VEZT: variants seen among roughly 807,000 people sequenced by gnomAD.
VEZT encodes vezatin, adherens junctions transmembrane protein.
VEZT carries 39 observed loss-of-function variants against 79.9 expected under a neutral mutation model. That is an observed-to-expected ratio of 0.49 (90% confidence interval 0.38 to 0.64). VEZT has a LOEUF of 0.64. Ranked by LOEUF, VEZT falls within the 30% of genes least tolerant of loss-of-function variation. The pLI, the probability that VEZT is intolerant of heterozygous loss-of-function variation, is 0.00. For missense variants in VEZT, 837 were observed against 893.1 expected (o/e 0.94, Z 0.80); for synonymous variants, 325 against 327.6 (o/e 0.99, Z 0.09).
At chr12:95,224,065 G>A (rs1024189071) in intron 1 of VEZT, 8 of 420,052 alleles carry the variant, frequency 1.9e-5, no homozygotes, top group Non-Finnish European at 3.4e-5. Flanking sequence ...ATAGTTGAGG[G>A]ATTGATGTTA....
rs1435439572 is a variant in VEZT, at chr12:95,270,111, T to A, written c.771T>A (p.Gly257=). The change falls in exon 6 of 12, where the codon GGT becomes GGA. Residue 257 remains glycine (G), a synonymous_variant. Transcript: ENST00000436874. ...AGQHPSQHLI[G]LRKAVYRTLR... Reference sequence around the variant, plus strand: ...AGCATCCAAGTCAGCATCTCATCGGTCTTCGGAAAGCTGTCTACCGAACTC... The same window carrying A: ...AGCATCCAAGTCAGCATCTCATCGGACTTCGGAAAGCTGTCTACCGAACTC... 3 of 1,612,094 alleles carry A rather than the reference T, an allele frequency of 1.9e-6. No individual in the cohort carries two copies. The Admixed American group carries it at 5.0e-5, about 27-fold the overall frequency.
At chr12:95,284,376 G>A (rs1353623081) in intron 8 of VEZT, among the ~76,000 whole-genome samples, 1 of 151,848 alleles carries the variant, frequency 6.6e-6, no homozygotes, top group East Asian at 1.9e-4. Flanking sequence ...CACTCTCAGT[G>A]CCTCATGTGG....
At chr12:95,283,939 G>A (rs1257714491) in intron 8 of VEZT, among the ~76,000 whole-genome samples, 3 of 152,176 alleles carry the variant, frequency 2.0e-5, no homozygotes, top group Non-Finnish European at 4.4e-5. Flanking sequence ...AGATTTCAGT[G>A]GACAGGTTGT....
Position 95,287,547 on chromosome 12 carries a change from C to G in VEZT, c.1329-117C>G, listed in dbSNP as rs962347527. 11 of 952,552 alleles carry G rather than the reference C, an allele frequency of 1.2e-5. No individual in the cohort carries two copies. The African/African-American group carries it at 1.8e-4, about 16-fold the overall frequency. 59.0% of individuals were successfully genotyped at this position (952,552 alleles called of 1,614,324 possible). On this transcript the variant is annotated intron_variant, in intron 8 of 11. Coordinates refer to ENST00000436874, the MANE Select transcript of VEZT (RefSeq NM_017599.4). The stretch of plus-strand genomic sequence containing the variant: ...TGAACTCCTGAGCTCAAGCCATTCA[C>G]CTGCCTTGGCCTCCCAAAGTGCTGA...
intron 1 of VEZT, among the ~76,000 whole-genome samples, chr12:95,233,513 C>T (rs182727468): frequency 6.6e-6 from 1 of 152,318 alleles, no homozygotes; most frequent in Admixed American, 6.5e-5. Flanking sequence ...GATTCTCCCA[C>T]CTCAGCCTCC....
chr12:95,291,032 A>G (rs1292064346), intron 9 of VEZT, among the ~76,000 whole-genome samples: 3 of 152,138 alleles, frequency 2.0e-5, no homozygotes, highest in South Asian at 2.1e-4. Flanking sequence ...TGGGAGCCCA[A>G]GGAGGGAGGA....
In VEZT at chr12:95,230,009, G is replaced by T. The variant is rs575223429; in HGVS notation, c.36+12123G>T. ...AATCCCAGCTACTCGGGAGGCTGACGTAGGAGAATTGCTTGAACCCAGGAG... is the reference window on the plus strand; with the variant it reads ...AATCCCAGCTACTCGGGAGGCTGACTTAGGAGAATTGCTTGAACCCAGGAG... On this transcript the variant is annotated intron_variant, in intron 1 of 11. Coordinates refer to ENST00000436874, the MANE Select transcript of VEZT (RefSeq NM_017599.4). Among the ~76,000 whole-genome samples the T allele has an allele frequency of 2.0e-5, 3 of 150,380 alleles. No individual in the cohort carries two copies. The South Asian group carries it at 6.5e-4, about 32-fold the overall frequency.
At position 95,258,291 on chromosome 12, in the gene VEZT, T is replaced by TA. The variant is rs1232195701; in HGVS notation, c.258+1053dup. The TA allele has an allele frequency of 6.6e-6, 3 of 455,700 alleles. No homozygotes were observed. The East Asian group carries it at 2.1e-4, about 32-fold the overall frequency. The allele number at this position is 455,700 out of a possible 1,614,324, so 28.2% of individuals were successfully genotyped here. On this transcript the variant is annotated intron_variant, in intron 3 of 11. Coordinates refer to ENST00000436874, the MANE Select transcript of VEZT (RefSeq NM_017599.4). The stretch of plus-strand genomic sequence containing the variant: ...GTGATACTAGGACTGTGGTAAGGTA[T>TA]ATGGATCCATATACATTTTTCTGTG...
intron 1 of VEZT, among the ~76,000 whole-genome samples, chr12:95,224,574 AC>A: frequency 6.6e-6 from 1 of 151,952 alleles, no homozygotes; most frequent in South Asian, 2.1e-4. Context: ...GAGACCTGTA[AC>A]CCCCTCTACC....
intron 9 of VEZT, among the ~76,000 whole-genome samples, chr12:95,288,955 C>G (rs757068984): frequency 6.6e-5 from 10 of 151,866 alleles, no homozygotes; most frequent in Non-Finnish European, 1.3e-4. Flanking sequence ...ATGGGAGTAG[C>G]TGTTACCCAG....
rs74506185 is a variant in VEZT at position 95,286,723 on chromosome 12, G to A, written c.1329-941G>A. 8.6e-3 allele frequency: 3,093 copies of A among 360,362 alleles called. 86 individuals carry two copies. Among genetic ancestry groups the A allele is most frequent in the African/African-American group, 0.061 (2,827 of 46,544 alleles). The allele number at this position is 360,362 out of a possible 1,614,324, so 22.3% of individuals were successfully genotyped here. On this transcript the variant is annotated intron_variant, in intron 8 of 11. Transcript: ENST00000436874. ...AATATTCCACTTTCCCATTCCCTGC[G>A]TGTCTATCTAGTACATTTTCCACCA...
At chr12:95,263,853 T>C (rs1048041738) in intron 4 of VEZT, 8 of 152,140 alleles carry the variant, frequency 5.3e-5, no homozygotes, top group African/African-American at 1.9e-4. Flanking sequence ...GAATGTGATT[T>C]GATGATTCAT....
intron 1 of VEZT, among the ~76,000 whole-genome samples, chr12:95,229,449 G>GT (rs1052530244): frequency 5.8e-4 from 88 of 152,124 alleles, no homozygotes; most frequent in Non-Finnish European, 2.9e-5. Flanking sequence ...ATGAAATTCT[G>GT]AATAAATCAC....
intron 1 of VEZT, among the ~76,000 whole-genome samples, chr12:95,241,445 G>C (rs751092725): frequency 2.6e-5 from 4 of 151,932 alleles, no homozygotes; most frequent in African/African-American, 4.8e-5. Flanking sequence ...GCTGGGACCA[G>C]AGGCGCACAC....
At chr12:95,275,035 T>G in intron 7 of VEZT, 146 bp downstream of exon 7, 1 of 989,226 alleles carries the variant, frequency 1.0e-6, no homozygotes, top group Non-Finnish European at 1.4e-6. Context: ...TGTTTGTAAC[T>G]CTGTCTTTAA....
intron 1 of VEZT, among the ~76,000 whole-genome samples, chr12:95,240,395 A>C (rs537223082): frequency 6.6e-6 from 1 of 152,324 alleles, no homozygotes; most frequent in Non-Finnish European, 1.5e-5. Flanking sequence ...GTTCAGTTAG[A>C]TGAGCATGAA....
intron 8 of VEZT, among the ~76,000 whole-genome samples, chr12:95,285,982 C>CTTTTTTTTTT (rs869030351): frequency 1.2e-5 from 1 of 85,854 alleles, no homozygotes; most frequent in East Asian, 4.2e-4. Context: ...CCGACCCCTT[C>CTTTTTTTTTT]TTTTTTTTTT....
At chr12:95,268,136 G>A (rs796669637) in intron 5 of VEZT, among the ~76,000 whole-genome samples, 4 of 152,202 alleles carry the variant, frequency 2.6e-5, no homozygotes, top group African/African-American at 9.6e-5. Context: ...TGACTTAAAG[G>A]ATAGCACGTT....
chr12:95,229,523 A>G (rs2058951158), intron 1 of VEZT, among the ~76,000 whole-genome samples: 1 of 152,138 alleles, frequency 6.6e-6, no homozygotes, highest in Non-Finnish European at 1.5e-5. Flanking sequence ...TTGGTATGAA[A>G]TTTTTCTTAA....
Sources: allele counts gnomAD v4.1 joint callset (sites outside exome capture counted in the v4.1 genomes callset), GRCh38; gene constraint gnomAD v4.1.1; transcripts MANE v1.5; gene names NCBI Gene and HGNC (gene_info 2026-07-23, HGNC 2026-07-21).